The following RBBP6 variants were observed in gnomAD, a reference collection of about 807,000 sequenced individuals.
The protein encoded by RBBP6 is E3 ubiquitin-protein ligase RBBP6.
In RBBP6, 25 loss-of-function variants were observed where a neutral mutation model predicts 167.7. The ratio of observed to expected loss-of-function variants is 0.15; its 90% CI spans 0.11 to 0.21. The LOEUF (loss-of-function observed/expected upper bound fraction) is 0.21. Ranked by LOEUF, RBBP6 falls within the 10% of genes least tolerant of loss-of-function variation. The probability of loss-of-function intolerance (pLI) is 1.00; values close to 1 mark genes in which losing one functional copy is unlikely to be tolerated. For missense variants in RBBP6, 1,868 were observed against 2,134.2 expected, an observed-to-expected ratio of 0.88 and a Z score of 2.46; for synonymous variants, 789 against 735.8, an observed-to-expected ratio of 1.07 and a Z score of -1.17.
Position 24,569,210 on chromosome 16 carries a change from A to G in RBBP6, c.2520A>G (p.Lys840=). The G allele has an allele frequency of 6.2e-7, 1 of 1,613,864 alleles. No homozygotes were observed. Among genetic ancestry groups the G allele is most frequent in the Non-Finnish European group, 8.5e-7 (1 of 1,179,936 alleles). The change falls in exon 17 of 18, where the codon AAA becomes AAG. Residue 840 remains lysine (K), a synonymous_variant. Transcript: ENST00000319715. The stretch of plus-strand genomic sequence containing the variant: ...GAAAATATAGAGAGTGGTATGAAAA[A>G]TATTATAAAGGTTATGCTGCTGGAG... ...WERKYREWYE[K]YYKGYAAGAQ... is the part of the protein sequence containing the mutation.
chr16:24,540,284 A>G lies in RBBP6; in HGVS notation c.-343A>G. The G allele has an allele frequency of 4.4e-6, 1 of 226,936 alleles. No homozygotes were observed. The highest frequency in any genetic ancestry group is 8.9e-6 in the Non-Finnish European group (1 of 112,214). 14.1% of individuals were successfully genotyped at this position (226,936 alleles called of 1,614,324 possible). A position where few individuals can be genotyped will look rare whatever the true frequency, so the allele number is the denominator to read the frequency against. On this transcript the variant is annotated 5_prime_UTR_variant, in exon 1 of 18. Coordinates refer to ENST00000319715, the MANE Select transcript of RBBP6 (RefSeq NM_006910.5). ...ACTCTTAACGTGTGGACTGACCGCT[A>G]CTGACTGCACCGCCAATCCCCCCGT...
At position 24,567,341 on chromosome 16, in the gene RBBP6, G is replaced by T. The variant is rs1899219709; in HGVS notation, c.1788G>T (p.Gly596=). ...CTCCTGGCCAGCCACCACCCGCTGGGTATAGTGTCCCTCCTCCAGGGTTTC... is the reference window on the plus strand; with the variant it reads ...CTCCTGGCCAGCCACCACCCGCTGGTTATAGTGTCCCTCCTCCAGGGTTTC... ...QFPPGQPPPA[G]YSVPPPGFPP... The change falls in exon 15 of 18, where the codon GGG becomes GGT. Residue 596 remains glycine (G), a synonymous_variant. Transcript: ENST00000319715. 6.2e-7 allele frequency: 1 copy of T among 1,614,022 alleles called. No homozygotes were observed. Among genetic ancestry groups the T allele is most frequent in the East Asian group, 2.2e-5 (1 of 44,870 alleles).
rs1899270285 is a variant in RBBP6, at chr16:24,569,381, C to G, written c.2691C>G (p.Asn897Lys). The G allele has an allele frequency of 6.2e-7, 1 of 1,613,986 alleles. No individual in the cohort carries two copies. Among genetic ancestry groups the G allele is most frequent in the Non-Finnish European group, 8.5e-7 (1 of 1,180,014 alleles). The change falls in exon 17 of 18, where the codon AAC becomes AAG. Residue 897 changes from asparagine (N) to lysine (K), a missense_variant. Asn to Lys is a moderately conservative substitution (Grantham distance 94, BLOSUM62 0). This residue lies in a region of RBBP6 where 673 missense variants were observed against 691.5 expected (regional missense o/e 0.97). Transcript: ENST00000319715. Reference sequence around the variant, plus strand: ...ATAGAAGTCGAAACATAGGTAGCAACTATCCAGAAAAGCTTTCAGCAAGAG... The same window carrying G: ...ATAGAAGTCGAAACATAGGTAGCAAGTATCCAGAAAAGCTTTCAGCAAGAG... ...QSHRSRNIGSNYPEKLSARDG... is the reference protein window; with the variant it reads ...QSHRSRNIGSKYPEKLSARDG...
rs1357007312 is a variant in RBBP6 at position 24,570,081 on chromosome 16, A to G, written c.3391A>G (p.Lys1131Glu). The change falls in exon 17 of 18, where the codon AAG becomes GAG. Residue 1131 changes from lysine (K) to glutamate (E), a missense_variant. Lys to Glu is a moderately conservative substitution (Grantham distance 56). Coordinates refer to ENST00000319715, the MANE Select transcript of RBBP6 (RefSeq NM_006910.5). The part of the protein sequence containing the change: ...EKLTTKEEKA[K>E]KPNEKNKPLD... ...GCTAACAACTAAGGAAGAAAAGGCC[A>G]AGAAGCCTAATGAGAAAAACAAACC... 1 of 1,607,176 alleles carries G rather than the reference A, an allele frequency of 6.2e-7. No homozygotes were observed. The highest frequency in any genetic ancestry group is 8.5e-7 in the Non-Finnish European group (1 of 1,178,604).
chr16:24,571,562 A>G lies in RBBP6; in HGVS notation c.4496A>G (p.Asp1499Gly). 1 of 1,613,274 alleles carries G rather than the reference A, an allele frequency of 6.2e-7. No homozygotes were observed. Among genetic ancestry groups the G allele is most frequent in the African/African-American group, 1.3e-5 (1 of 74,932 alleles). The change falls in exon 18 of 18, where the codon GAC (aspartate) becomes GGC (glycine). Residue 1499 changes from aspartate (D) to glycine (G), a missense_variant. Transcript: ENST00000319715. ...AAGAATGAATTAACAAGACGAAAAG[A>G]CTCTCCTTCTCGGAATAAAGATTCT... ...DEKNELTRRK[D>G]SPSRNKDSAS...
intron 3 of RBBP6, among the ~76,000 whole-genome samples, chr16:24,549,720 G>T (rs1415887087): frequency 1.3e-5 from 2 of 151,780 alleles, no homozygotes; most frequent in Non-Finnish European, 2.9e-5. Flanking sequence ...TGATTATATT[G>T]TTTTCAAAGT....
intron 16 of RBBP6, 87 bp downstream of exon 16, chr16:24,567,980 CT>C: frequency 8.8e-7 from 1 of 1,133,708 alleles, no homozygotes; most frequent in Non-Finnish European, 1.3e-6. Flanking sequence ...GAACATTGCA[CT>C]TAGGAATTTT....
intron 10 of RBBP6, among the ~76,000 whole-genome samples, chr16:24,562,986 T>G (rs562263101): frequency 4.5e-4 from 67 of 147,692 alleles, no homozygotes; most frequent in Non-Finnish European, 9.3e-4. Context: ...CTGTAGTATC[T>G]TCTTAAGGAG....
Position 24,572,585 on chromosome 16 carries a change from A to AT in RBBP6, c.*145dup, listed in dbSNP as rs1899368742. On this transcript the variant is annotated 3_prime_UTR_variant, in exon 18 of 18. Coordinates refer to ENST00000319715, the MANE Select transcript of RBBP6 (RefSeq NM_006910.5). ...TAAAATATTGCTGCTTGATTATTTG[A>AT]TTTTTACATCAGAGCTTTATAACAC... 1 of 1,227,520 alleles carries AT rather than the reference A, an allele frequency of 8.1e-7. No individual in the cohort carries two copies. Among genetic ancestry groups the AT allele is most frequent in the Admixed American group, 3.2e-5 (1 of 30,888 alleles). 76.0% of individuals were successfully genotyped at this position (1,227,520 alleles called of 1,614,324 possible).
In RBBP6 at chr16:24,572,133, G is replaced by A; in HGVS notation, c.5067G>A (p.Arg1689=). ...TAAVVQVGIS[R]NQSHSSPSVS... The stretch of plus-strand genomic sequence containing the variant: ...CAGTTGTCCAGGTGGGCATAAGCAG[G>A]AATCAGAGCCACAGCAGCCCCAGCG... Residue 1689 remains arginine (R), a synonymous_variant, in exon 18 of 18, where the codon AGG becomes AGA. Coordinates refer to ENST00000319715, the MANE Select transcript of RBBP6 (RefSeq NM_006910.5). The A allele has an allele frequency of 6.2e-7, 1 of 1,614,096 alleles. No individual in the cohort carries two copies. Among genetic ancestry groups the A allele is most frequent in the Non-Finnish European group, 8.5e-7 (1 of 1,180,004 alleles).
intron 1 of RBBP6, 95 bp downstream of exon 1, chr16:24,540,887 T>G: frequency 7.0e-7 from 1 of 1,436,054 alleles, no homozygotes. Context: ...ATGTCTCTAG[T>G]GGGGACTGTT....
Position 24,546,971 on chromosome 16 carries a change from C to T in RBBP6, c.266+709C>T, listed in dbSNP as rs531129855. The stretch of plus-strand genomic sequence containing the variant: ...GGAGCTGGTATTCACTAACCTGGGG[C>T]AGGATTAAAACCTTATATCCTTAAC... On this transcript the variant is annotated intron_variant, in intron 2 of 17. Coordinates refer to ENST00000319715, the MANE Select transcript of RBBP6 (RefSeq NM_006910.5). 2.6e-5 allele frequency among the ~76,000 whole-genome samples: 4 copies of T among 152,314 alleles called. No homozygotes were observed. In the South Asian group the frequency reaches 6.2e-4, roughly 24 times the overall value.
At chr16:24,542,112 A>G (rs1394776218) in intron 1 of RBBP6, among the ~76,000 whole-genome samples, 3 of 152,260 alleles carry the variant, frequency 2.0e-5, no homozygotes, top group African/African-American at 7.2e-5. Flanking sequence ...AACAAGTGTC[A>G]TACCCTTTGA....
rs1899073708 is a variant in RBBP6, at chr16:24,562,076, C to G, written c.1204C>G (p.Pro402Ala). 6.2e-7 allele frequency: 1 copy of G among 1,613,474 alleles called. No individual in the cohort carries two copies. The highest frequency in any genetic ancestry group is 8.5e-7 in the Non-Finnish European group (1 of 1,179,488). ...SSLAPPVSGNPSSAPAPVPDI... is the reference protein window; with the variant it reads ...SSLAPPVSGNASSAPAPVPDI... ...CTTGGCCCCTCCTGTGTCTGGAAAT[C>G]CGTCTTCTGCTCCAGCTCCTGTACC... Residue 402 changes from proline to alanine, a missense_variant, in exon 10 of 18, where the codon CCG becomes GCG. By Grantham distance (27) the Pro-to-Ala change is conservative. Coordinates refer to ENST00000319715, the MANE Select transcript of RBBP6 (RefSeq NM_006910.5).
Position 24,572,339 on chromosome 16 carries a change from A to G in RBBP6, c.5273A>G (p.Glu1758Gly). The G allele has an allele frequency of 6.4e-7, 1 of 1,555,122 alleles. No homozygotes were observed. The highest frequency in any genetic ancestry group is 1.2e-5 in the South Asian group (1 of 84,630). The change falls in exon 18 of 18, where the codon GAA becomes GGA. Residue 1758 changes from glutamate (E) to glycine (G), a missense_variant. By Grantham distance (98) the Glu-to-Gly change is moderately conservative. Coordinates refer to ENST00000319715, the MANE Select transcript of RBBP6 (RefSeq NM_006910.5). ...CATGCAGGCACTGAAGTGGAATTGG[A>G]AAAAAGCCAAAAACACAAACACAAG... ...KKHAGTEVEL[E>G]KSQKHKHKKK...
chr16:24,563,700 C>T, intron 13 of RBBP6, 36 bp downstream of exon 13: 1 of 1,586,522 alleles, frequency 6.3e-7, no homozygotes, highest in Non-Finnish European at 8.6e-7. Flanking sequence ...CAGATGATTG[C>T]CTGCAAACTA....
chr16:24,556,995 C>CTTTTTTT (rs397962167), intron 7 of RBBP6, among the ~76,000 whole-genome samples: 16 of 108,846 alleles, frequency 1.5e-4, no homozygotes, highest in African/African-American at 5.0e-4. Flanking sequence ...ACCTTAATGC[C>CTTTTTTT]TTTTTTTTTT....
At position 24,569,865 on chromosome 16, in the gene RBBP6, A is replaced by T. The variant is rs778596342; in HGVS notation, c.3175A>T (p.Ile1059Phe). 4.3e-6 allele frequency: 7 copies of T among 1,610,762 alleles called. No homozygotes were observed. Among genetic ancestry groups the T allele is most frequent in the East Asian group, 2.2e-5 (1 of 44,878 alleles). The change falls in exon 17 of 18, where the codon ATT (isoleucine) becomes TTT (phenylalanine). Residue 1059 changes from isoleucine to phenylalanine, a missense_variant. This residue lies in a region of RBBP6 where 673 missense variants were observed against 691.5 expected (regional missense o/e 0.97). Transcript: ENST00000319715. ...GAGATCTCCTCGATCTGAACCTCCA[A>T]TTAAAAAAGCCAAAGAGGAGACTCC... is the stretch of plus-strand genomic sequence containing the variant. ...RERSPRSEPP[I>F]KKAKEETPKT...
intron 3 of RBBP6, among the ~76,000 whole-genome samples, chr16:24,552,099 T>A (rs1451123571): frequency 6.8e-6 from 1 of 147,926 alleles, no homozygotes; most frequent in African/African-American, 2.7e-5. Flanking sequence ...ATGAACTCTT[T>A]TATAGTCAGT....
Sources: gnomAD v4.1 joint callset for allele counts (sites outside exome capture counted in the v4.1 genomes callset) on GRCh38, gnomAD v4.1.1 for gene constraint, gnomAD v4.1.1 regional missense constraint, MANE v1.5 for transcripts, NCBI Gene and HGNC (gene_info 2026-07-23, HGNC 2026-07-21) for gene names.